Variants in PRDX5 observed in about 807,000 individuals in gnomAD.
PRDX5 encodes the protein peroxiredoxin-5, mitochondrial.
PRDX5 carries 21 observed loss-of-function variants against 23.8 expected under a neutral mutation model. That is an observed-to-expected ratio of 0.88 (90% CI 0.63 to 1.27). The LOEUF (loss-of-function observed/expected upper bound fraction) is 1.27. Among genes scored for constraint, PRDX5 ranks in the 50% most tolerant of loss-of-function variants. The probability of loss-of-function intolerance (pLI) is 0.00; values close to 1 mark genes in which losing one functional copy is unlikely to be tolerated. For missense variants in PRDX5, 261 were observed against 270.6 expected (o/e 0.96, Z 0.25); for synonymous variants, 111 against 113.3 (o/e 0.98, Z 0.13).
chr11:64,319,786 A>G lies in PRDX5; in HGVS notation c.224A>G (p.Lys75Arg), dbSNP rs2035441102. ...VEVFEGEPGN[K>R]VNLAELFKGK... ...GTGTTTGAAGGGGAGCCAGGGAACA[A>G]GGTGAACCTGGCAGAGCTGTTCAAG... is the stretch of plus-strand genomic sequence containing the variant. Residue 75 changes from lysine to arginine, a missense_variant, in exon 2 of 6, where the codon AAG becomes AGG. Lys to Arg is a conservative substitution (Grantham distance 26, BLOSUM62 2). Transcript: ENST00000265462. 6.2e-7 allele frequency: 1 copy of G among 1,614,104 alleles called. No individual in the cohort carries two copies. The highest frequency in any genetic ancestry group is 2.2e-5 in the East Asian group (1 of 44,884).
In PRDX5 at chr11:64,320,972, A is replaced by G. The variant is rs759883778; in HGVS notation, c.478-35A>G. 17 of 1,613,886 alleles carry G rather than the reference A, an allele frequency of 1.1e-5. No homozygotes were observed. The Middle Eastern group carries it at 6.6e-4, about 62-fold the overall frequency. On this transcript the variant is annotated intron_variant, in intron 4 of 5. Transcript: ENST00000265462. ...AGCAGTGGGGGCCCTTAGCCTCTTC[A>G]AGGATTTCTGACACTTTTCTCTGTC...
intron 2 of PRDX5, among the ~76,000 whole-genome samples, chr11:64,320,369 C>G (rs565058588): frequency 6.6e-6 from 1 of 151,928 alleles, no homozygotes; most frequent in Admixed American, 6.6e-5. Flanking sequence ...ACAATTAAAT[C>G]CAACACCCCT....
chr11:64,319,139 G>A (rs2035416944), intron 1 of PRDX5, among the ~76,000 whole-genome samples: 1 of 151,946 alleles, frequency 6.6e-6, no homozygotes, highest in Non-Finnish European at 1.5e-5. Flanking sequence ...GCTCCTCAGA[G>A]GCCCTCACCT....
chr11:64,321,272 GGGGGAGAGTCCTCTGT>G (rs1457939104), intron 5 of PRDX5, among the ~76,000 whole-genome samples: 7 of 150,472 alleles, frequency 4.7e-5, no homozygotes, highest in Non-Finnish European at 5.9e-5. Flanking sequence ...AGTCCTGTGT[GGGGGAGAGTCCTCTGT>G]GGGGAGAGTC....
Position 64,318,346 on chromosome 11 carries a change from G to A in PRDX5, c.131G>A (p.Arg44His). 6.2e-7 allele frequency: 1 copy of A among 1,611,380 alleles called. No homozygotes were observed. Among genetic ancestry groups the A allele is most frequent in the Non-Finnish European group, 8.5e-7 (1 of 1,179,334 alleles). Reference protein sequence around the residue: ...SEGEWASGGVRSFSRAAAAMA... With the variant: ...SEGEWASGGVHSFSRAAAAMA... The stretch of plus-strand genomic sequence containing the variant: ...GGAGAGTGGGCGTCTGGCGGGGTCC[G>A]CAGTTTCAGCAGAGCCGCTGCAGCC... The change falls in exon 1 of 6, where the codon CGC becomes CAC. Residue 44 changes from arginine (R) to histidine (H), a missense_variant. Arg to His is a conservative substitution (Grantham distance 29). Transcript: ENST00000265462.
Position 64,318,144 on chromosome 11 carries a change from G to GC in PRDX5, c.-70dup. 6.3e-7 allele frequency: 1 copy of GC among 1,589,228 alleles called. No individual in the cohort carries two copies. The highest frequency in any genetic ancestry group is 8.5e-7 in the Non-Finnish European group (1 of 1,170,038). ...GCCTTCCGCAGGGTGTCGCCGCTGT[G>GC]CCGCTAGCGGTGCCCCGCCTGCTGC... On this transcript the variant is annotated 5_prime_UTR_variant, in exon 1 of 6. Transcript: ENST00000265462.
chr11:64,318,464 G>A (rs1453100227), intron 1 of PRDX5, 78 bp downstream of exon 1: 3 of 1,509,526 alleles, frequency 2.0e-6, no homozygotes, highest in African/African-American at 1.4e-5. Context: ...TGAGAGTATC[G>A]CTTTATTTCC....
At chr11:64,321,389 G>C (rs1483977415) in intron 5 of PRDX5, among the ~76,000 whole-genome samples, 197 bp from the exon 6 acceptor site, 1 of 150,350 alleles carries the variant, frequency 6.7e-6, no homozygotes, top group Non-Finnish European at 1.5e-5. Flanking sequence ...AGTCCTGTGT[G>C]GGGGAGAGTT....
intron 2 of PRDX5, 133 bp from the exon 3 acceptor site, chr11:64,320,528 G>T (rs925811251): frequency 7.5e-7 from 1 of 1,327,806 alleles, no homozygotes. Context: ...AAAGGAAATA[G>T]AATGGTTTAG....
chr11:64,319,772 G>A lies in PRDX5; in HGVS notation c.210G>A (p.Gly70=), dbSNP rs1755565147. 2 of 1,614,094 alleles carry A rather than the reference G, an allele frequency of 1.2e-6. No individual in the cohort carries two copies. The highest frequency in any genetic ancestry group is 1.7e-6 in the Non-Finnish European group (2 of 1,179,982). ...DAIPAVEVFE[G]EPGNKVNLAE... ...TCCCAGCAGTGGAGGTGTTTGAAGG[G>A]GAGCCAGGGAACAAGGTGAACCTGG... is the stretch of plus-strand genomic sequence containing the variant. The change falls in exon 2 of 6, where the codon GGG becomes GGA. Residue 70 remains glycine (G), a synonymous_variant. Transcript: ENST00000265462.
At chr11:64,319,999 G>GCTGGGTAGAT (rs1366793818) in intron 2 of PRDX5, 131 bp downstream of exon 2, 29 of 1,344,578 alleles carry the variant, frequency 2.2e-5, no homozygotes, top group Non-Finnish European at 2.9e-5. Flanking sequence ...GCTGGGTAGA[G>GCTGGGTAGAT]CTGGGCGCGG....
At chr11:64,319,674 T>G in intron 1 of PRDX5, 60 bp from the exon 2 acceptor site, 1 of 1,559,738 alleles carries the variant, frequency 6.4e-7, no homozygotes, top group South Asian at 1.2e-5. Context: ...CTGTTCACCT[T>G]CCTGCCTCTG....
At chr11:64,321,312 G>C (rs2035493980) in intron 5 of PRDX5, among the ~76,000 whole-genome samples, 2 of 149,930 alleles carry the variant, frequency 1.3e-5, no homozygotes, top group Non-Finnish European at 3.0e-5. Flanking sequence ...TGTGTGGAGA[G>C]AGTCCTGTGT....
chr11:64,319,264 G>T lies in PRDX5; in HGVS notation c.172-470G>T, dbSNP rs555576260. Among the ~76,000 whole-genome samples, 7 of 151,976 alleles carry T rather than the reference G, an allele frequency of 4.6e-5. No individual in the cohort carries two copies. The South Asian group carries it at 1.5e-3, about 32-fold the overall frequency. On this transcript the variant is annotated intron_variant, in intron 1 of 5. Transcript: ENST00000265462. ...TGTTCTACACCTCCTGGGTGTAGGG[G>T]CCTGGACACCCTCCCCCAACGTTCC... is the stretch of plus-strand genomic sequence containing the variant.
In PRDX5 at chr11:64,318,334, C is replaced by T. The variant is rs1212688420; in HGVS notation, c.119C>T (p.Ser40Phe). 3 of 1,612,338 alleles carry T rather than the reference C, an allele frequency of 1.9e-6. No individual in the cohort carries two copies. Among genetic ancestry groups the T allele is most frequent in the East Asian group, 2.2e-5 (1 of 44,870 alleles). ...CGGTACAGTGAAGGAGAGTGGGCGT[C>T]TGGCGGGGTCCGCAGTTTCAGCAGA... ...ARRYSEGEWA[S>F]GGVRSFSRAA... Residue 40 changes from serine to phenylalanine, a missense_variant, in exon 1 of 6, where the codon TCT (serine) becomes TTT (phenylalanine). Ser to Phe is a radical substitution (Grantham distance 155, BLOSUM62 -2). Transcript: ENST00000265462.
chr11:64,318,187 G>A lies in PRDX5; in HGVS notation c.-29G>A. 1 of 1,610,108 alleles carries A rather than the reference G, an allele frequency of 6.2e-7. No homozygotes were observed. Among genetic ancestry groups the A allele is most frequent in the South Asian group, 1.1e-5 (1 of 90,882 alleles). On this transcript the variant is annotated 5_prime_UTR_variant, in exon 1 of 6. Transcript: ENST00000265462. ...CCTGCTGCGGTGGCACCAGCCAGGA[G>A]GCGGAGTGGAAGTGGCCGTGGGGCG...
In PRDX5 at chr11:64,320,297, A is replaced by T. The variant is rs181877977; in HGVS notation, c.307-364A>T. ...CCGTCTCAAAATGAAAAAAAAAAAA[A>T]AGAAAACAAGTAGAGACTGCAAAAA... On this transcript the variant is annotated intron_variant, in intron 2 of 5. Coordinates refer to ENST00000265462, the MANE Select transcript of PRDX5 (RefSeq NM_012094.5). Among the ~76,000 whole-genome samples the T allele has an allele frequency of 2.6e-5, 4 of 152,236 alleles. No homozygotes were observed. The East Asian group carries it at 7.7e-4, about 29-fold the overall frequency.
rs373698515 is a variant in PRDX5 at position 64,319,067 on chromosome 11, TCTC to T, written c.172-662_172-660del. ...CCCCAGGGCCTTGGACCTTCCCCCTTCTCCTCCCAAACCTTGTGAGACCCCATT... is the reference window on the plus strand; with the variant it reads ...CCCCAGGGCCTTGGACCTTCCCCCTTCTCCCAAACCTTGTGAGACCCCATT... On this transcript the variant is annotated intron_variant, in intron 1 of 5. Coordinates refer to ENST00000265462, the MANE Select transcript of PRDX5 (RefSeq NM_012094.5). Among the ~76,000 whole-genome samples the T allele has an allele frequency of 1.3e-4, 20 of 151,320 alleles. No homozygotes were observed. The South Asian group carries it at 1.5e-3, about 11-fold the overall frequency.
chr11:64,320,138 G>A (rs1253628073), intron 2 of PRDX5, among the ~76,000 whole-genome samples: 2 of 152,220 alleles, frequency 1.3e-5, no homozygotes, highest in African/African-American at 4.8e-5. Context: ...AAATCAGCCG[G>A]ACATGGTGGC....
Sources: gnomAD v4.1 joint callset for allele counts (sites outside exome capture counted in the v4.1 genomes callset) on GRCh38, gnomAD v4.1.1 for gene constraint, MANE v1.5 for transcripts, NCBI Gene and HGNC (gene_info 2026-07-23, HGNC 2026-07-21) for gene names.